The following ANGPT2 variants were observed in gnomAD, a reference collection of about 807,000 sequenced individuals.
ANGPT2 encodes the protein angiopoietin 2.
ANGPT2 carries 28 observed loss-of-function variants against 62.9 expected under a neutral mutation model. The observed-to-expected ratio is 0.44, with a 90% CI of 0.33 to 0.61. The LOEUF is 0.61. Among genes scored for constraint, ANGPT2 ranks in the 20% least tolerant of loss-of-function variants. ANGPT2 has a pLI of 0.03. For missense variants in ANGPT2, 727 were observed against 594.9 expected (o/e 1.22, Z -2.31); for synonymous variants, 284 against 207.8 (o/e 1.37, Z -3.15).
intron 1 of ANGPT2, among the ~76,000 whole-genome samples, chr8:6,540,269 A>G (rs981673092): frequency 1.9e-4 from 29 of 152,210 alleles, no homozygotes; most frequent in Non-Finnish European, 1.8e-4. Flanking sequence ...CACTACTCCA[A>G]AATTTGATAA....
intron 1 of ANGPT2, among the ~76,000 whole-genome samples, chr8:6,543,258 A>C (rs1232561094): frequency 6.6e-6 from 1 of 152,220 alleles, no homozygotes; most frequent in Non-Finnish European, 1.5e-5. Context: ...GCGGGAACAC[A>C]AGCCATCTTC....
At chr8:6,551,607 A>G (rs1823664270) in intron 1 of ANGPT2, among the ~76,000 whole-genome samples, 1 of 152,166 alleles carries the variant, frequency 6.6e-6, no homozygotes, top group African/African-American at 2.4e-5. Flanking sequence ...CACTGTTAAG[A>G]ACATGTCACT....
chr8:6,532,860 C>G (rs895112037), intron 1 of ANGPT2, among the ~76,000 whole-genome samples: 1 of 152,186 alleles, frequency 6.6e-6, no homozygotes, highest in African/African-American at 2.4e-5. Flanking sequence ...GCAACTCTGA[C>G]CATGCAGTCA....
intron 1 of ANGPT2, among the ~76,000 whole-genome samples, chr8:6,536,859 CT>C (rs1247625464): frequency 6.6e-6 from 1 of 150,826 alleles, no homozygotes; most frequent in African/African-American, 2.4e-5. Flanking sequence ...CCTAGAATGT[CT>C]TTCTGTTTAG....
chr8:6,513,590 C>T, intron 7 of ANGPT2, 88 bp downstream of exon 7: 10 of 1,108,102 alleles, frequency 9.0e-6, no homozygotes, highest in Non-Finnish European at 1.1e-5. Flanking sequence ...ACCTCGGCCT[C>T]CCAAAGTGCT....
At chr8:6,518,952 C>T (rs1320549821) in intron 5 of ANGPT2, among the ~76,000 whole-genome samples, 3 of 151,898 alleles carry the variant, frequency 2.0e-5, no homozygotes, top group Non-Finnish European at 4.4e-5. Flanking sequence ...TCTCCCAAAG[C>T]ACCTTCAGGA....
At chr8:6,545,042 T>C (rs1222806582) in intron 1 of ANGPT2, among the ~76,000 whole-genome samples, 1 of 152,152 alleles carries the variant, frequency 6.6e-6, no homozygotes, top group Non-Finnish European at 1.5e-5. Flanking sequence ...GTCAAATGAA[T>C]GCCATCACAG....
intron 3 of ANGPT2, among the ~76,000 whole-genome samples, chr8:6,525,693 C>T (rs1023231639): frequency 6.6e-6 from 1 of 152,146 alleles, no homozygotes; most frequent in African/African-American, 2.4e-5. Flanking sequence ...ACACAGCATG[C>T]AGAACTCATA....
At chr8:6,526,839 G>C (rs1268175872) in intron 3 of ANGPT2, among the ~76,000 whole-genome samples, 1 of 152,168 alleles carries the variant, frequency 6.6e-6, no homozygotes, top group Non-Finnish European at 1.5e-5. Context: ...TTTGTCCCAA[G>C]TGGAACAGAC....
At chr8:6,505,514 ATATATATTCTTTATATATG>A (rs1813393693) in intron 8 of ANGPT2, among the ~76,000 whole-genome samples, 1 of 5,224 alleles carries the variant, frequency 1.9e-4, no homozygotes, top group Non-Finnish European at 3.4e-4. Context: ...TATATATAGA[ATATATATTCTTTATATATG>A]TATATATAGA....
chr8:6,516,709 G>T (rs1043765103), intron 5 of ANGPT2, among the ~76,000 whole-genome samples: 1 of 152,160 alleles, frequency 6.6e-6, no homozygotes, highest in African/African-American at 2.4e-5. Flanking sequence ...ATCCTAAATG[G>T]TATGCTCTTG....
At chr8:6,530,194 G>T (rs975954147) in intron 2 of ANGPT2, among the ~76,000 whole-genome samples, 10 of 152,078 alleles carry the variant, frequency 6.6e-5, no homozygotes, top group Admixed American at 6.6e-4. Flanking sequence ...ATTTTAATAG[G>T]TTGGTGCAAT....
chr8:6,532,874 AATG>A (rs1160049485), intron 1 of ANGPT2, among the ~76,000 whole-genome samples: 1 of 152,190 alleles, frequency 6.6e-6, no homozygotes, highest in Admixed American at 6.5e-5. Context: ...GCAGTCAGGA[AATG>A]ATAATTTGAC....
At chr8:6,546,266 C>G (rs1822561958) in intron 1 of ANGPT2, among the ~76,000 whole-genome samples, 1 of 152,132 alleles carries the variant, frequency 6.6e-6, no homozygotes, top group Admixed American at 6.5e-5. Flanking sequence ...CAAGGGCAAC[C>G]CAGCAGTGTT....
intron 4 of ANGPT2, 83 bp from the exon 5 acceptor site, chr8:6,520,074 G>C (rs1334046669): frequency 6.6e-7 from 1 of 1,521,290 alleles, no homozygotes; most frequent in Non-Finnish European, 9.0e-7. Context: ...ATCATTTGGT[G>C]AGTTTTATTA....
chr8:6,556,638 G>C (rs889121846), intron 1 of ANGPT2, among the ~76,000 whole-genome samples: 3 of 151,572 alleles, frequency 2.0e-5, no homozygotes, highest in Non-Finnish European at 4.4e-5. Flanking sequence ...TCATTTTTTA[G>C]GGTCTCACTT....
intron 3 of ANGPT2, among the ~76,000 whole-genome samples, chr8:6,521,696 G>A (rs996574300): frequency 5.9e-5 from 9 of 152,316 alleles, no homozygotes; most frequent in Non-Finnish European, 7.3e-5. Flanking sequence ...GGATATGGGT[G>A]TTTTTTGTAT....
chr8:6,527,497 C>G, intron 3 of ANGPT2, 58 bp downstream of exon 3: 1 of 1,580,232 alleles, frequency 6.3e-7, no homozygotes, highest in Non-Finnish European at 8.6e-7. Flanking sequence ...TTGAGACCGA[C>G]TTTCATATCT....
At chr8:6,535,614 T>C (rs1431974741) in intron 1 of ANGPT2, among the ~76,000 whole-genome samples, 1 of 152,218 alleles carries the variant, frequency 6.6e-6, no homozygotes, top group Non-Finnish European at 1.5e-5. Flanking sequence ...TATAAATATA[T>C]ACAGCTCTTG....
Sources: allele counts gnomAD v4.1 joint callset (sites outside exome capture counted in the v4.1 genomes callset), GRCh38; gene constraint gnomAD v4.1.1; transcripts MANE v1.5; gene names NCBI Gene and HGNC (gene_info 2026-07-23, HGNC 2026-07-21).